Variants in TNNI3K observed in about 807,000 individuals in gnomAD.
The protein encoded by TNNI3K is TNNI3 interacting kinase.
TNNI3K carries 140 observed loss-of-function variants against 114.5 expected under a neutral mutation model. The observed-to-expected ratio is 1.22, with a 90% CI of 1.07 to 1.41. The LOEUF is 1.41. TNNI3K is among the 40% of genes most tolerant of loss of function. TNNI3K has a pLI of 0.00. For synonymous variants in TNNI3K, 347 were observed against 347.5 expected (o/e 1.00, Z 0.02); for missense variants, 1,125 against 1,007.6 (o/e 1.12, Z -1.58).
intron 17 of TNNI3K, among the ~76,000 whole-genome samples, chr1:74,420,158 G>A (rs1261997204): frequency 6.6e-6 from 1 of 152,060 alleles, no homozygotes; most frequent in African/African-American, 2.4e-5. Flanking sequence ...AACTACAAGA[G>A]AGGTAGAAAT....
At chr1:74,336,428 C>G (rs1238388757) in intron 7 of TNNI3K, among the ~76,000 whole-genome samples, 1 of 152,054 alleles carries the variant, frequency 6.6e-6, no homozygotes, top group East Asian at 1.9e-4. Context: ...TATACATGTG[C>G]CATGCTGGTG....
At chr1:74,484,134 C>A (rs369928016) in intron 21 of TNNI3K, among the ~76,000 whole-genome samples, 2 of 151,126 alleles carry the variant, frequency 1.3e-5, no homozygotes, top group South Asian at 2.1e-4. Flanking sequence ...TTTCTCAACC[C>A]CCCAGTGAAA....
chr1:74,426,804 T>G (rs1665660120), intron 17 of TNNI3K, among the ~76,000 whole-genome samples: 1 of 152,088 alleles, frequency 6.6e-6, no homozygotes, highest in South Asian at 2.1e-4. Context: ...GTGAGAAGAA[T>G]CCGGTGACAC....
chr1:74,497,365 A>G (rs1476002387), intron 23 of TNNI3K, among the ~76,000 whole-genome samples: 1 of 151,960 alleles, frequency 6.6e-6, no homozygotes, highest in Admixed American at 6.6e-5. Context: ...TCTTTTTTGT[A>G]CTAAAATTTT....
intron 17 of TNNI3K, among the ~76,000 whole-genome samples, chr1:74,403,076 T>C (rs550630736): frequency 1.3e-5 from 2 of 152,314 alleles, no homozygotes; most frequent in East Asian, 1.9e-4. Context: ...CTCAGCATTT[T>C]TTACATGTCT....
intron 21 of TNNI3K, among the ~76,000 whole-genome samples, chr1:74,484,408 C>G (rs983922006): frequency 1.3e-5 from 2 of 152,158 alleles, no homozygotes; most frequent in African/African-American, 2.4e-5. Flanking sequence ...TGACAAGCAC[C>G]TGCCCTTGTG....
At chr1:74,471,821 T>TC (rs1667946630) in intron 21 of TNNI3K, 1 of 436,472 alleles carries the variant, frequency 2.3e-6, no homozygotes, top group African/African-American at 2.0e-5. Flanking sequence ...ATTTGCTCTT[T>TC]CTCAGGCTTT....
At chr1:74,353,777 A>G (rs1046487286) in intron 10 of TNNI3K, among the ~76,000 whole-genome samples, 4 of 152,208 alleles carry the variant, frequency 2.6e-5, no homozygotes, top group African/African-American at 9.6e-5. Flanking sequence ...TCTCTGTAGA[A>G]GGTTGAGTAC....
chr1:74,470,059 A>G (rs1355025054), intron 21 of TNNI3K: 1 of 400,572 alleles, frequency 2.5e-6, no homozygotes, highest in East Asian at 3.6e-5. Flanking sequence ...CTCCACTGTC[A>G]TTGCGCCTTC....
chr1:74,465,307 C>T (rs907250594), intron 21 of TNNI3K, among the ~76,000 whole-genome samples: 6 of 152,330 alleles, frequency 3.9e-5, no homozygotes, highest in South Asian at 2.1e-4. Flanking sequence ...AACCAGCTGG[C>T]GCTCGGGTGC....
At chr1:74,333,915 C>T (rs1660340500) in intron 6 of TNNI3K, among the ~76,000 whole-genome samples, 1 of 152,156 alleles carries the variant, frequency 6.6e-6, no homozygotes, top group African/African-American at 2.4e-5. Flanking sequence ...CTTAGGCATG[C>T]AAGGTTCTTG....
chr1:74,428,465 G>A (rs1437761320), intron 17 of TNNI3K, among the ~76,000 whole-genome samples: 2 of 152,126 alleles, frequency 1.3e-5, no homozygotes, highest in Non-Finnish European at 2.9e-5. Context: ...GATTAATGGG[G>A]AAGTCTACAT....
chr1:74,468,890 T>G (rs1445148641), intron 21 of TNNI3K: 1 of 152,120 alleles, frequency 6.6e-6, no homozygotes, highest in African/African-American at 2.4e-5. Flanking sequence ...TTTGAATATA[T>G]CTATATTTTT....
intron 5 of TNNI3K, among the ~76,000 whole-genome samples, chr1:74,321,652 A>G (rs1423076454): frequency 6.6e-6 from 1 of 151,870 alleles, no homozygotes; most frequent in East Asian, 1.9e-4. Context: ...TTTTATTTCC[A>G]TGACTTTTTA....
intron 20 of TNNI3K, among the ~76,000 whole-genome samples, chr1:74,444,672 GA>G (rs1057316093): frequency 2.0e-5 from 3 of 151,462 alleles, no homozygotes; most frequent in African/African-American, 7.3e-5. Flanking sequence ...CACAGAATTA[GA>G]AAAAAAATTT....
intron 21 of TNNI3K, among the ~76,000 whole-genome samples, chr1:74,481,826 TC>T (rs1169231249): frequency 6.6e-6 from 1 of 152,200 alleles, no homozygotes; most frequent in East Asian, 1.9e-4. Flanking sequence ...AATGACAGTG[TC>T]ATAAGGATAG....
intron 5 of TNNI3K, among the ~76,000 whole-genome samples, chr1:74,301,099 T>A (rs964372013): frequency 6.6e-6 from 1 of 152,124 alleles, no homozygotes; most frequent in Non-Finnish European, 1.5e-5. Context: ...CTCTTATATG[T>A]GTTAGTTAAA....
chr1:74,434,222 A>G (rs1176965305), intron 17 of TNNI3K, among the ~76,000 whole-genome samples: 1 of 152,030 alleles, frequency 6.6e-6, no homozygotes, highest in Non-Finnish European at 1.5e-5. Flanking sequence ...GCAATTCAAC[A>G]CCACTTTCAC....
chr1:74,244,118 T>G (rs1481492967), intron 2 of TNNI3K, among the ~76,000 whole-genome samples: 1 of 152,164 alleles, frequency 6.6e-6, no homozygotes, highest in East Asian at 1.9e-4. Flanking sequence ...GAAGTGAGAA[T>G]TAGGATTCAA....
Sources: gnomAD v4.1 joint callset for allele counts (sites outside exome capture counted in the v4.1 genomes callset) on GRCh38, gnomAD v4.1.1 for gene constraint, MANE v1.5 for transcripts, NCBI Gene and HGNC (gene_info 2026-07-23, HGNC 2026-07-21) for gene names.